The following PTPN4 variants were observed in gnomAD, a reference collection of about 807,000 sequenced individuals.
PTPN4 encodes the protein protein tyrosine phosphatase non-receptor type 4, also known as tyrosine-protein phosphatase non-receptor type 4.
PTPN4 carries 49 observed loss-of-function variants against 135.5 expected under a neutral mutation model. The observed-to-expected ratio is 0.36, with a 90% CI of 0.29 to 0.46. The LOEUF is 0.46. Among genes scored for constraint, PTPN4 ranks in the 20% least tolerant of loss-of-function variants. The pLI, the probability that PTPN4 is intolerant of heterozygous loss-of-function variation, is 1.00. For missense variants in PTPN4, 860 were observed against 1,101.0 expected (o/e 0.78, Z 3.10); for synonymous variants, 333 against 369.9 (o/e 0.90, Z 1.14).
At chr2:119,905,049 AC>A (rs1290628917) in intron 10 of PTPN4, among the ~76,000 whole-genome samples, 128 of 145,916 alleles carry the variant, frequency 8.8e-4, no homozygotes, top group African/African-American at 2.9e-3. Flanking sequence ...AAAAAAAAAA[AC>A]AAATAATCAA....
chr2:119,915,400 A>G, intron 11 of PTPN4, 158 bp downstream of exon 11: 2 of 503,464 alleles, frequency 4.0e-6, no homozygotes, highest in Non-Finnish European at 3.3e-6. Context: ...AACAAAATGT[A>G]CTTGTTTTTC....
intron 2 of PTPN4, among the ~76,000 whole-genome samples, chr2:119,861,297 A>G (rs1038073783): frequency 1.3e-5 from 2 of 152,190 alleles, no homozygotes; most frequent in Non-Finnish European, 2.9e-5. Flanking sequence ...GGAATGTGAC[A>G]TTAATCCTTC....
intron 2 of PTPN4, among the ~76,000 whole-genome samples, chr2:119,844,358 C>G (rs1051458115): frequency 1.3e-4 from 19 of 147,812 alleles, no homozygotes; most frequent in Admixed American, 4.6e-4. Flanking sequence ...GACCCCCCCC[C>G]CCCACCTCCC....
At position 119,979,308 on chromosome 2, in the gene PTPN4, A is replaced by G. The variant is rs1280153220; in HGVS notation, c.*2238A>G. The G allele has an allele frequency of 6.6e-6, 1 of 152,112 alleles. No homozygotes were observed. Among genetic ancestry groups the G allele is most frequent in the Admixed American group, 6.5e-5 (1 of 15,270 alleles). 9.4% of individuals were successfully genotyped at this position (152,112 alleles called of 1,614,324 possible). ...AAAAGTCATGGTTGGCATGTTCTTT[A>G]ATTTAGGGCCTTGTTTATACTTGTG... On this transcript the variant is annotated 3_prime_UTR_variant, in exon 27 of 27. Coordinates refer to ENST00000263708, the MANE Select transcript of PTPN4 (RefSeq NM_002830.4).
chr2:119,938,392 G>T (rs1227165711), intron 15 of PTPN4, among the ~76,000 whole-genome samples: 1 of 152,044 alleles, frequency 6.6e-6, no homozygotes, highest in Non-Finnish European at 1.5e-5. Context: ...CTCCCAAAGT[G>T]CTGGGATTAC....
rs1352013541 is a variant in PTPN4, at chr2:119,977,244, A to G, written c.*174A>G. On this transcript the variant is annotated 3_prime_UTR_variant, in exon 27 of 27. Transcript: ENST00000263708. Reference sequence around the variant, plus strand: ...TGTTTTAAAAAATGTCACTCTTTCAAAATCTATAACTCATGTATTTGAAGA... The same window carrying G: ...TGTTTTAAAAAATGTCACTCTTTCAGAATCTATAACTCATGTATTTGAAGA... 2 of 1,077,360 alleles carry G rather than the reference A, an allele frequency of 1.9e-6. No individual in the cohort carries two copies. Among genetic ancestry groups the G allele is most frequent in the Non-Finnish European group, 2.4e-6 (2 of 822,088 alleles). 66.7% of individuals were successfully genotyped at this position (1,077,360 alleles called of 1,614,324 possible).
chr2:119,822,560 T>C lies in PTPN4; in HGVS notation c.138+12569T>C, dbSNP rs190009876. 6.2e-4 allele frequency among the ~76,000 whole-genome samples: 95 copies of C among 152,280 alleles called. 1 individual carries two copies. The highest frequency in any genetic ancestry group is 2.1e-3 in the African/African-American group (86 of 41,580). On this transcript the variant is annotated intron_variant, in intron 2 of 26. Transcript: ENST00000263708. ...TTTTAGTAGAGACGGGGTTTCACTATGTTGGTCAGGTTGGTCTCGATCTCC... is the reference window on the plus strand; with the variant it reads ...TTTTAGTAGAGACGGGGTTTCACTACGTTGGTCAGGTTGGTCTCGATCTCC...
At chr2:119,851,859 A>G (rs1677597845) in intron 2 of PTPN4, among the ~76,000 whole-genome samples, 1 of 152,160 alleles carries the variant, frequency 6.6e-6, no homozygotes, top group South Asian at 2.1e-4. Flanking sequence ...CCATCACCTG[A>G]TCACCTGACA....
chr2:119,971,742 A>G (rs1679537501), intron 26 of PTPN4, among the ~76,000 whole-genome samples: 1 of 152,242 alleles, frequency 6.6e-6, no homozygotes, highest in Non-Finnish European at 1.5e-5. Context: ...ATTATTACCT[A>G]ACCCATAAAT....
intron 13 of PTPN4, among the ~76,000 whole-genome samples, chr2:119,928,974 G>A (rs1279851186): frequency 1.3e-5 from 2 of 151,982 alleles, no homozygotes; most frequent in African/African-American, 4.8e-5. Flanking sequence ...CTGCATCTTA[G>A]TTGTTCATTT....
chr2:119,807,028 A>G (rs1303195750), intron 1 of PTPN4, among the ~76,000 whole-genome samples: 1 of 152,218 alleles, frequency 6.6e-6, no homozygotes, highest in Non-Finnish European at 1.5e-5. Context: ...ATTTGAAACC[A>G]ATGAGAACAA....
At chr2:119,832,252 A>G (rs1178817471) in intron 2 of PTPN4, among the ~76,000 whole-genome samples, 1 of 152,156 alleles carries the variant, frequency 6.6e-6, no homozygotes, top group Non-Finnish European at 1.5e-5. Flanking sequence ...CTTTTTTTCC[A>G]TGCTAGCTCA....
intron 1 of PTPN4, among the ~76,000 whole-genome samples, chr2:119,791,497 G>C (rs1029424665): frequency 1.3e-5 from 2 of 151,970 alleles, no homozygotes; most frequent in African/African-American, 4.8e-5. Context: ...ATTCTTTTAG[G>C]TTTTGTTTCT....
intron 3 of PTPN4, among the ~76,000 whole-genome samples, chr2:119,865,077 C>T (rs977964921): frequency 6.6e-6 from 1 of 152,130 alleles, no homozygotes; most frequent in Non-Finnish European, 1.5e-5. Flanking sequence ...GTCCACTGCA[C>T]TGCAGTTTCA....
intron 1 of PTPN4, among the ~76,000 whole-genome samples, chr2:119,804,087 A>C (rs2104944152): frequency 6.6e-6 from 1 of 151,958 alleles, no homozygotes; most frequent in Middle Eastern, 3.4e-3. Flanking sequence ...CATGTACCCC[A>C]TCCCCACCCC....
At chr2:119,956,777 T>G in intron 20 of PTPN4, 67 bp from the exon 21 acceptor site, 1 of 1,575,242 alleles carries the variant, frequency 6.3e-7, no homozygotes, top group Non-Finnish European at 8.5e-7. Flanking sequence ...TAGAAACAAG[T>G]CTGGTAAACA....
chr2:119,962,236 CCT>C (rs1679376130), intron 23 of PTPN4, among the ~76,000 whole-genome samples: 1 of 152,140 alleles, frequency 6.6e-6, no homozygotes, highest in Admixed American at 6.5e-5. Flanking sequence ...AGGTGGATCA[CCT>C]GAGGTCAGGA....
At chr2:119,873,809 C>A (rs1383255388) in intron 3 of PTPN4, among the ~76,000 whole-genome samples, 4 of 152,130 alleles carry the variant, frequency 2.6e-5, no homozygotes, top group Non-Finnish European at 5.9e-5. Flanking sequence ...TACAGCAGTT[C>A]TTGGCAAAGA....
chr2:119,919,542 A>G (rs1574404418), intron 11 of PTPN4, among the ~76,000 whole-genome samples: 1 of 152,266 alleles, frequency 6.6e-6, no homozygotes, highest in East Asian at 1.9e-4. Flanking sequence ...TGAATGAACA[A>G]GGCCAGCACG....
Sources: gnomAD v4.1 joint callset for allele counts (sites outside exome capture counted in the v4.1 genomes callset) on GRCh38, gnomAD v4.1.1 for gene constraint, MANE v1.5 for transcripts, NCBI Gene and HGNC (gene_info 2026-07-23, HGNC 2026-07-21) for gene names.